DRD4: variants seen among roughly 807,000 people sequenced by gnomAD.
DRD4 encodes dopamine receptor D4, also known as D(4) dopamine receptor.
A neutral mutation model predicts 22.1 loss-of-function variants in DRD4; 26 were observed. The ratio of observed to expected loss-of-function variants is 1.17; its 90% CI spans 0.86 to 1.63. The LOEUF (loss-of-function observed/expected upper bound fraction) is 1.63. Among genes scored for constraint, DRD4 ranks in the 40% most tolerant of loss-of-function variants. The probability of loss-of-function intolerance (pLI) is 0.00; values close to 1 mark genes in which losing one functional copy is unlikely to be tolerated. For missense variants in DRD4, 913 were observed against 632.4 expected (o/e 1.44, Z -4.76); for synonymous variants, 455 against 306.7 (o/e 1.48, Z -5.05).
chr11:637,761 C>T (rs1858097644), intron 1 of DRD4, among the ~76,000 whole-genome samples, 172 bp downstream of exon 1: 1 of 149,744 alleles, frequency 6.7e-6, no homozygotes, highest in South Asian at 2.1e-4. Context: ...GCCGCCACCT[C>T]GCGACCTTCC....
chr11:639,292 C>T, intron 1 of DRD4, 141 bp from the exon 2 acceptor site: 4 of 767,754 alleles, frequency 5.2e-6, no homozygotes, highest in South Asian at 1.5e-5. Flanking sequence ...GGGGTGTTTC[C>T]CTGCCCGGTC....
rs1401479426 is a variant in DRD4 at position 639,545 on chromosome 11, G to C, written c.398G>C (p.Arg133Thr). The C allele has an allele frequency of 1.7e-5, 26 of 1,541,362 alleles. No individual in the cohort carries two copies. Among genetic ancestry groups the C allele is most frequent in the Non-Finnish European group, 2.2e-5 (25 of 1,150,778 alleles). The change falls in exon 2 of 4, where the codon AGG becomes ACG. Residue 133 changes from arginine to threonine, a missense_variant and splice_region_variant. Transcript: ENST00000176183. ...AACCTGTGCGCCATCAGCGTGGACA[G>C]GTGCGCCGCCCTCCCCGCCCGCGCC... ...IFNLCAISVD[R>T]FVAVAVPLRY... is the part of the protein sequence containing the mutation.
In DRD4 at chr11:640,475, C is replaced by G. The variant is rs770833402; in HGVS notation, c.1132C>G (p.Pro378Ala). ...TQALCPACSV[P>A]PRLVSAVTWL... ...GGCGCTGTGTCCTGCCTGCTCCGTGCCCCCGCGGCTGGTCAGCGCCGTCAC... is the reference window on the plus strand; with the variant it reads ...GGCGCTGTGTCCTGCCTGCTCCGTGGCCCCGCGGCTGGTCAGCGCCGTCAC... Residue 378 changes from proline (P) to alanine (A), a missense_variant, in exon 4 of 4, where the codon CCC becomes GCC. By Grantham distance (27) the Pro-to-Ala change is conservative. Coordinates refer to ENST00000176183, the MANE Select transcript of DRD4 (RefSeq NM_000797.4). The G allele has an allele frequency of 4.4e-6, 7 of 1,602,278 alleles. No homozygotes were observed. The highest frequency in any genetic ancestry group is 2.2e-5 in the South Asian group (2 of 91,082).
chr11:639,798 C>T lies in DRD4; in HGVS notation c.549C>T (p.Ala183=), dbSNP rs1267066253. 6 of 1,581,626 alleles carry T rather than the reference C, an allele frequency of 3.8e-6. No homozygotes were observed. Among genetic ancestry groups the T allele is most frequent in the South Asian group, 3.4e-5 (3 of 89,282 alleles). ...ACGACGTGCGCGGCCGCGACCCCGC[C>T]GTGTGCCGCCTGGAGGACCGCGACT... The part of the protein sequence containing the change: ...GLNDVRGRDP[A]VCRLEDRDYV... Residue 183 remains alanine (A), a synonymous_variant, in exon 3 of 4, where the codon GCC becomes GCT. Coordinates refer to ENST00000176183, the MANE Select transcript of DRD4 (RefSeq NM_000797.4).
chr11:640,650 G>T lies in DRD4; in HGVS notation c.*47G>T. 6.3e-7 allele frequency: 1 copy of T among 1,592,842 alleles called. No individual in the cohort carries two copies. The highest frequency in any genetic ancestry group is 8.5e-7 in the Non-Finnish European group (1 of 1,174,640). ...CCCGGCCTGATGGCCAGGCCTCAGG[G>T]ACCAAGGAGATGGGGAGGGCGCTTT... is the stretch of plus-strand genomic sequence containing the variant. On this transcript the variant is annotated 3_prime_UTR_variant, in exon 4 of 4. Transcript: ENST00000176183.
Position 640,554 on chromosome 11 carries a change from ACGCCGAGTTCCGCAACGTCTTC to A in DRD4, c.1215_1236del (p.Glu406ArgfsTer18). Reference sequence around the variant, plus strand: ...AACCCCGTCATCTACACTGTCTTCAACGCCGAGTTCCGCAACGTCTTCCGCAAGGCCCTGCGTGCCTGCTGCT... The same window carrying A: ...AACCCCGTCATCTACACTGTCTTCAACGCAAGGCCCTGCGTGCCTGCTGCT... On this transcript the variant is annotated frameshift_variant, in exon 4 of 4. Coordinates refer to ENST00000176183, the MANE Select transcript of DRD4 (RefSeq NM_000797.4). LOFTEE classifies it low-confidence loss of function (END_TRUNC). 1.9e-6 allele frequency: 3 copies of A among 1,600,142 alleles called. No homozygotes were observed. In the East Asian group the frequency reaches 6.7e-5, roughly 36 times the overall value.
At chr11:640,350 G>T (rs12720411) in intron 3 of DRD4, 44 bp downstream of exon 3, 2 of 1,409,660 alleles carry the variant, frequency 1.4e-6, no homozygotes, top group South Asian at 1.2e-5. Flanking sequence ...GAGGGGGGGG[G>T]TACGAGGCCG....
chr11:637,514 C>T lies in DRD4; in HGVS notation c.210C>T (p.Asn70=), dbSNP rs1266945567. The T allele has an allele frequency of 3.2e-6, 5 of 1,563,864 alleles. No individual in the cohort carries two copies. Among genetic ancestry groups the T allele is most frequent in the Admixed American group, 1.9e-5 (1 of 53,748 alleles). Residue 70 remains asparagine (N), a synonymous_variant, in exon 1 of 4, where the codon AAC becomes AAT. Transcript: ENST00000176183. Reference sequence around the variant, plus strand: ...AGCGCGCCCTGCAGACGCCCACCAACTCCTTCATCGTGAGCCTGGCGGCCG... The same window carrying T: ...AGCGCGCCCTGCAGACGCCCACCAATTCCTTCATCGTGAGCCTGGCGGCCG... ...ATERALQTPT[N]SFIVSLAAAD...
Position 640,192 on chromosome 11 carries a change from G to A in DRD4, c.943G>A (p.Ala315Thr). The A allele has an allele frequency of 1.3e-6, 2 of 1,522,598 alleles. No homozygotes were observed. The highest frequency in any genetic ancestry group is 1.2e-5 in the South Asian group (1 of 83,682). 94.3% of individuals were successfully genotyped at this position (1,522,598 alleles called of 1,614,324 possible). ...PCGSNCAPPD[A>T]VRAAALPPQT... is the part of the protein sequence containing the mutation. Reference sequence around the variant, plus strand: ...CGGCTCCAACTGTGCTCCCCCCGACGCCGTCAGAGCCGCCGCGCTCCCACC... The same window carrying A: ...CGGCTCCAACTGTGCTCCCCCCGACACCGTCAGAGCCGCCGCGCTCCCACC... The change falls in exon 3 of 4, where the codon GCC becomes ACC. Residue 315 changes from alanine to threonine, a missense_variant. Ala to Thr is a moderately conservative substitution (Grantham distance 58). Transcript: ENST00000176183.
rs1589956548 is a variant in DRD4, at chr11:637,329, G to A, written c.25G>A (p.Ala9Thr). MGNRSTAD[A>T]DGLLAGRGPA... ...CATGGGGAACCGCAGCACCGCGGAC[G>A]CGGACGGGCTGCTGGCTGGGCGCGG... Residue 9 changes from alanine to threonine, a missense_variant, in exon 1 of 4, where the codon GCG (alanine) becomes ACG (threonine). Transcript: ENST00000176183. The A allele has an allele frequency of 8.0e-7, 1 of 1,255,206 alleles. No individual in the cohort carries two copies. Among genetic ancestry groups the A allele is most frequent in the Non-Finnish European group, 1.0e-6 (1 of 1,004,538 alleles). 77.8% of individuals were successfully genotyped at this position (1,255,206 alleles called of 1,614,324 possible). A position where few individuals can be genotyped will look rare whatever the true frequency, so the allele number is the denominator to read the frequency against.
In DRD4 at chr11:638,342, T is replaced by C. The variant is rs371548084; in HGVS notation, c.285+753T>C. ...GTTTCCCCTTGATGGACACAGTGAATCCAGGCGGCTGGGGCAGAGACCAGC... is the reference window on the plus strand; with the variant it reads ...GTTTCCCCTTGATGGACACAGTGAACCCAGGCGGCTGGGGCAGAGACCAGC... On this transcript the variant is annotated intron_variant, in intron 1 of 3. Coordinates refer to ENST00000176183, the MANE Select transcript of DRD4 (RefSeq NM_000797.4). 3.2e-3 allele frequency among the ~76,000 whole-genome samples: 490 copies of C among 152,184 alleles called. 3 individuals are homozygous for C. The highest frequency in any genetic ancestry group is 0.014 in the South Asian group (69 of 4,814).
chr11:639,308 G>A (rs1054654984), intron 1 of DRD4, 125 bp from the exon 2 acceptor site: 1 of 868,880 alleles, frequency 1.2e-6, no homozygotes, highest in Non-Finnish European at 1.8e-6. Context: ...CGGTCCTCTG[G>A]CCTCTGGCTC....
rs1172533861 is a variant in DRD4 at position 639,544 on chromosome 11, A to G, written c.397A>G (p.Arg133Gly). Residue 133 changes from arginine to glycine, a missense_variant and splice_region_variant, in exon 2 of 4, where the codon AGG becomes GGG. By Grantham distance (125) the Arg-to-Gly change is moderately radical. Coordinates refer to ENST00000176183, the MANE Select transcript of DRD4 (RefSeq NM_000797.4). The stretch of plus-strand genomic sequence containing the variant: ...CAACCTGTGCGCCATCAGCGTGGAC[A>G]GGTGCGCCGCCCTCCCCGCCCGCGC... Reference protein sequence around the residue: ...IFNLCAISVDRFVAVAVPLRY... With the variant: ...IFNLCAISVDGFVAVAVPLRY... The G allele has an allele frequency of 1.3e-6, 2 of 1,548,728 alleles. No homozygotes were observed. The highest frequency in any genetic ancestry group is 2.6e-5 in the East Asian group (1 of 38,934).
In DRD4 at chr11:639,812, A is replaced by T. The variant is rs1237470867; in HGVS notation, c.563A>T (p.Glu188Val). The T allele has an allele frequency of 1.3e-6, 2 of 1,581,952 alleles. No individual in the cohort carries two copies. Among genetic ancestry groups the T allele is most frequent in the African/African-American group, 1.4e-5 (1 of 73,100 alleles). The change falls in exon 3 of 4, where the codon GAG becomes GTG. Residue 188 changes from glutamate (E) to valine (V), a missense_variant. Transcript: ENST00000176183. The part of the protein sequence containing the change: ...RGRDPAVCRL[E>V]DRDYVVYSSV... The stretch of plus-strand genomic sequence containing the variant: ...CGCGACCCCGCCGTGTGCCGCCTGG[A>T]GGACCGCGACTACGTGGTCTACTCG...
In DRD4 at chr11:640,306, G is replaced by A; in HGVS notation, c.1057G>A (p.Gly353Arg). The A allele has an allele frequency of 6.5e-7, 1 of 1,538,492 alleles. No homozygotes were observed. Among genetic ancestry groups the A allele is most frequent in the Non-Finnish European group, 8.7e-7 (1 of 1,149,140 alleles). ...KAMRVLPVVV[G>R]AFLLCWTPFF... ...CATGAGGGTCCTGCCGGTGGTGGTC[G>A]GTGGGTTCCTGTCCTGAGGGGCGGG... The change falls in exon 3 of 4, where the codon GGG becomes AGG. Residue 353 changes from glycine to arginine, a missense_variant and splice_region_variant. Coordinates refer to ENST00000176183, the MANE Select transcript of DRD4 (RefSeq NM_000797.4).
chr11:639,736 T>A lies in DRD4; in HGVS notation c.487T>A (p.Ser163Thr), dbSNP rs1485224479. 2 of 1,527,342 alleles carry A rather than the reference T, an allele frequency of 1.3e-6. No homozygotes were observed. Among genetic ancestry groups the A allele is most frequent in the Non-Finnish European group, 8.7e-7 (1 of 1,146,244 alleles). 94.6% of individuals were successfully genotyped at this position (1,527,342 alleles called of 1,614,324 possible). ...LLLIGATWLL[S>T]AAVAAPVLCG... ...GCTCATCGGCGCCACGTGGCTGCTGTCCGCGGCGGTGGCGGCGCCCGTACT... is the reference window on the plus strand; with the variant it reads ...GCTCATCGGCGCCACGTGGCTGCTGACCGCGGCGGTGGCGGCGCCCGTACT... Residue 163 changes from serine (S) to threonine (T), a missense_variant, in exon 3 of 4, where the codon TCC becomes ACC. Transcript: ENST00000176183.
At chr11:639,315 G>A in intron 1 of DRD4, 118 bp from the exon 2 acceptor site, 9 of 952,984 alleles carry the variant, frequency 9.4e-6, no homozygotes, top group Admixed American at 6.2e-5. Context: ...CTGGCCTCTG[G>A]CTCACAGCCG....
chr11:638,927 T>C (rs1858131975), intron 1 of DRD4: 2 of 160,572 alleles, frequency 1.2e-5, no homozygotes, highest in Non-Finnish European at 2.7e-5. Flanking sequence ...CAAAAAATTT[T>C]AAAATATCAG....
chr11:640,321 TGAGGGGCGGGGAG>T lies in DRD4; in HGVS notation c.1057+19_1057+31del, dbSNP rs1460454367. ...GGTGGTGGTCGGTGGGTTCCTGTCC[TGAGGGGCGGGGAG>T]GAGAGGAGGGGGGGGGTACGAGGCC... On this transcript the variant is annotated intron_variant, in intron 3 of 3. Coordinates refer to ENST00000176183, the MANE Select transcript of DRD4 (RefSeq NM_000797.4). 8.1e-6 allele frequency: 12 copies of T among 1,485,458 alleles called. No individual in the cohort carries two copies. The highest frequency in any genetic ancestry group is 1.0e-5 in the Non-Finnish European group (11 of 1,100,264). 92.0% of individuals were successfully genotyped at this position (1,485,458 alleles called of 1,614,324 possible).
Sources: gnomAD v4.1 joint callset for allele counts (sites outside exome capture counted in the v4.1 genomes callset) on GRCh38, gnomAD v4.1.1 for gene constraint, MANE v1.5 for transcripts, NCBI Gene and HGNC (gene_info 2026-07-23, HGNC 2026-07-21) for gene names.